Variants in PELP1 observed in about 807,000 individuals in gnomAD.
PELP1 encodes the protein proline-, glutamic acid- and leucine-rich protein 1.
Under a neutral mutation model 95.5 loss-of-function variants are expected in PELP1, and 32 were observed. That is an observed-to-expected ratio of 0.34 (90% confidence interval 0.25 to 0.45). The LOEUF (loss-of-function observed/expected upper bound fraction) is 0.45. Among genes scored for constraint, PELP1 ranks in the 20% least tolerant of loss-of-function variants. PELP1 has a pLI of 1.00. For missense variants in PELP1, 1,358 were observed against 1,444.8 expected, an observed-to-expected ratio of 0.94 and a Z score of 0.97; for synonymous variants, 668 against 600.1, an observed-to-expected ratio of 1.11 and a Z score of -1.65.
At chr17:4,685,093 C>T (rs1037891258) in intron 3 of PELP1, among the ~76,000 whole-genome samples, 1 of 152,144 alleles carries the variant, frequency 6.6e-6, no homozygotes, top group Admixed American at 6.5e-5. Flanking sequence ...GATTTCCCAT[C>T]TTCTCTCCTT....
chr17:4,685,694 G>A (rs973372512), intron 3 of PELP1, among the ~76,000 whole-genome samples: 4 of 151,636 alleles, frequency 2.6e-5, no homozygotes, highest in South Asian at 2.1e-4. Context: ...TGGTGGGTGC[G>A]GTGGGGGGTA....
chr17:4,672,024 A>C lies in PELP1; in HGVS notation c.2967T>G (p.Pro989=), dbSNP rs768800721. ...PPTLPPALPP[P]ESPPKVQPEP... is the part of the protein sequence containing the mutation. ...CTGGCTGCACCTTTGGGGGAGACTC[A>C]GGGGGAGGCAGAGCTGGAGGCAGGG... Residue 989 remains proline (P), a synonymous_variant, in exon 16 of 17, where the codon CCT becomes CCG. Coordinates refer to ENST00000572293, the MANE Select transcript of PELP1 (RefSeq NM_014389.3). 1.3e-6 allele frequency: 2 copies of C among 1,572,604 alleles called. No homozygotes were observed. Among genetic ancestry groups the C allele is most frequent in the Non-Finnish European group, 1.7e-6 (2 of 1,161,018 alleles).
At chr17:4,692,198 T>C (rs1913130508) in intron 1 of PELP1, among the ~76,000 whole-genome samples, 1 of 152,244 alleles carries the variant, frequency 6.6e-6, no homozygotes, top group Non-Finnish European at 1.5e-5. Flanking sequence ...CCGGGCGCAG[T>C]GGCTCACGCC....
chr17:4,702,199 G>C (rs777203630), intron 1 of PELP1, among the ~76,000 whole-genome samples: 5 of 152,122 alleles, frequency 3.3e-5, no homozygotes, highest in Admixed American at 2.6e-4. Context: ...CAAGTGAATC[G>C]CCTGAACTCG....
intron 3 of PELP1, among the ~76,000 whole-genome samples, chr17:4,686,044 C>A (rs950723434): frequency 6.6e-6 from 1 of 152,066 alleles, no homozygotes; most frequent in Non-Finnish European, 1.5e-5. Flanking sequence ...TTGCAGTGAG[C>A]CGAGACCGCG....
intron 3 of PELP1, among the ~76,000 whole-genome samples, chr17:4,684,010 A>G (rs750089438): frequency 5.3e-5 from 8 of 151,862 alleles, no homozygotes; most frequent in Non-Finnish European, 8.8e-5. Context: ...AGCCTCAACC[A>G]TAACAAGACT....
At chr17:4,687,115 G>A (rs1361824902) in intron 3 of PELP1, among the ~76,000 whole-genome samples, 2 of 152,046 alleles carry the variant, frequency 1.3e-5, no homozygotes, top group Non-Finnish European at 2.9e-5. Flanking sequence ...TGGACTGCTG[G>A]CCCTGATCAC....
At chr17:4,684,539 G>A (rs1270852591) in intron 3 of PELP1, among the ~76,000 whole-genome samples, 1 of 152,074 alleles carries the variant, frequency 6.6e-6, no homozygotes, top group Non-Finnish European at 1.5e-5. Context: ...CCTCCGCTGT[G>A]CTTTCAATAC....
In PELP1 at chr17:4,672,413, A is replaced by G. The variant is rs767691633; in HGVS notation, c.2578T>C (p.Leu860=). 4.5e-6 allele frequency: 7 copies of G among 1,566,724 alleles called. No homozygotes were observed. Among genetic ancestry groups the G allele is most frequent in the Non-Finnish European group, 6.1e-6 (7 of 1,155,578 alleles). The change falls in exon 16 of 17, where the codon TTG becomes CTG. Residue 860 remains leucine, a synonymous_variant. Coordinates refer to ENST00000572293, the MANE Select transcript of PELP1 (RefSeq NM_014389.3). ...CCACCAGGAGTCCCTTCAGGGACCA[A>G]CTGGGGTGGAGGGAGCGTCACAGGA... ...PGPVTLPPPQ[L]VPEGTPGGGG...
At chr17:4,671,615 A>G in intron 16 of PELP1, 76 bp downstream of exon 16, 1 of 1,602,456 alleles carries the variant, frequency 6.2e-7, no homozygotes, top group Non-Finnish European at 8.5e-7. Flanking sequence ...ACCTCTCCTA[A>G]GAGAAGCAGC....
intron 1 of PELP1, among the ~76,000 whole-genome samples, chr17:4,701,776 A>C (rs2150568380): frequency 6.6e-6 from 1 of 152,362 alleles, no homozygotes; most frequent in East Asian, 1.9e-4. Context: ...AACAGTACGT[A>C]AAACATAACA....
At chr17:4,691,280 T>C in intron 2 of PELP1, 98 bp downstream of exon 2, 1 of 899,588 alleles carries the variant, frequency 1.1e-6, no homozygotes, top group Non-Finnish European at 1.8e-6. Context: ...GAGAGAGGTC[T>C]TGAATCCTGG....
chr17:4,678,812 T>C (rs977057509), intron 5 of PELP1, among the ~76,000 whole-genome samples: 1 of 152,188 alleles, frequency 6.6e-6, no homozygotes, highest in Non-Finnish European at 1.5e-5. Context: ...AATCCTGAGC[T>C]TGGAGTCTAC....
rs1160384494 is a variant in PELP1 at position 4,672,248 on chromosome 17, C to A, written c.2743G>T (p.Glu915Ter). The A allele has an allele frequency of 1.9e-6, 3 of 1,552,142 alleles. No individual in the cohort carries two copies. Among genetic ancestry groups the A allele is most frequent in the Non-Finnish European group, 2.6e-6 (3 of 1,146,974 alleles). ...EEEEDFEEEE[E>*]DEEEYFEEEE... ...TCTTCAAAATATTCCTCTTCATCCT[C>A]TTCCTCTTCCTCAAAGTCTTCCTCC... The change falls in exon 16 of 17, where the codon GAG (glutamate) becomes TAG (stop). Residue 915 changes from glutamate (E) to a stop codon, truncating the protein, a stop_gained. Transcript: ENST00000572293. LOFTEE classifies it high-confidence loss of function.
At chr17:4,687,348 T>C (rs1782300542) in intron 3 of PELP1, among the ~76,000 whole-genome samples, 1 of 152,070 alleles carries the variant, frequency 6.6e-6, no homozygotes, top group African/African-American at 2.4e-5. Flanking sequence ...ATCGAGATCA[T>C]CCTGACTAAC....
At chr17:4,701,185 G>A (rs1479469017) in intron 1 of PELP1, among the ~76,000 whole-genome samples, 3 of 152,048 alleles carry the variant, frequency 2.0e-5, no homozygotes, top group African/African-American at 7.2e-5. Flanking sequence ...ATGTAGGGGA[G>A]AGAGGTTATA....
Position 4,672,009 on chromosome 17 carries a change from CT to C in PELP1, c.2981del (p.Lys994ArgfsTer149). On this transcript the variant is annotated frameshift_variant, in exon 16 of 17. Coordinates refer to ENST00000572293, the MANE Select transcript of PELP1 (RefSeq NM_014389.3). LOFTEE classifies it high-confidence loss of function. ...PALPPPESPP[K>X]VQPEPEPEPG... Reference sequence around the variant, plus strand: ...GTTCAGGTTCGGGTTCTGGCTGCACCTTTGGGGGAGACTCAGGGGGAGGCAG... The same window carrying C: ...GTTCAGGTTCGGGTTCTGGCTGCACCTTGGGGGAGACTCAGGGGGAGGCAG... The C allele has an allele frequency of 6.4e-7, 1 of 1,572,366 alleles. No homozygotes were observed. Among genetic ancestry groups the C allele is most frequent in the Non-Finnish European group, 8.6e-7 (1 of 1,161,706 alleles).
intron 6 of PELP1, 60 bp from the exon 7 acceptor site, chr17:4,676,567 C>A (rs79918119): frequency 6.3e-6 from 10 of 1,591,184 alleles, no homozygotes; most frequent in Non-Finnish European, 8.6e-6. Context: ...ACAGAACCCC[C>A]AGCCCCACTG....
chr17:4,691,715 C>A (rs1200415759), intron 1 of PELP1: 1 of 445,364 alleles, frequency 2.2e-6, no homozygotes, highest in East Asian at 4.0e-5. Flanking sequence ...CCCAACTAAT[C>A]CCACTACCAG....
Sources: allele counts gnomAD v4.1 joint callset (sites outside exome capture counted in the v4.1 genomes callset), GRCh38; gene constraint gnomAD v4.1.1; transcripts MANE v1.5; gene names NCBI Gene and HGNC (gene_info 2026-07-23, HGNC 2026-07-21).